Variants in FBN2 observed in about 807,000 individuals in gnomAD.
FBN2 encodes fibrillin 2.
Under a neutral mutation model 355.6 loss-of-function variants are expected in FBN2, and 105 were observed. The ratio of observed to expected loss-of-function variants is 0.30; its 90% confidence interval spans 0.25 to 0.35. The LOEUF is 0.35. Ranked by LOEUF, FBN2 falls within the 10% of genes least tolerant of loss-of-function variation. The pLI is 1.00. For synonymous variants in FBN2, 1,350 were observed against 1,301.2 expected (o/e 1.04, Z -0.81); for missense variants, 3,280 against 3,758.7 (o/e 0.87, Z 3.33).
chr5:128,312,862 AG>A, intron 36 of FBN2, 67 bp from the exon 37 acceptor site: 1 of 1,548,836 alleles, frequency 6.5e-7, no homozygotes, highest in Non-Finnish European at 8.9e-7. Context: ...TTTAGGGAAA[AG>A]TCACTCAAAG....
chr5:128,443,403 C>T (rs868656235), intron 7 of FBN2, among the ~76,000 whole-genome samples: 1 of 152,278 alleles, frequency 6.6e-6, no homozygotes, highest in Middle Eastern at 3.4e-3. Flanking sequence ...ATATATCCTA[C>T]TCTCAATTAA....
chr5:128,360,138 C>T (rs565319013), intron 19 of FBN2, among the ~76,000 whole-genome samples: 10 of 152,120 alleles, frequency 6.6e-5, no homozygotes, highest in South Asian at 2.1e-4. Flanking sequence ...AAAAAGACTA[C>T]GGGAAGGAAG....
chr5:128,536,805 C>T (rs1242002506), intron 1 of FBN2, among the ~76,000 whole-genome samples: 1 of 152,140 alleles, frequency 6.6e-6, no homozygotes, highest in African/African-American at 2.4e-5. Flanking sequence ...GGGACCATTC[C>T]GTTCCAAAGA....
At chr5:128,403,134 CAT>C (rs1035821025) in intron 8 of FBN2, among the ~76,000 whole-genome samples, 1 of 151,816 alleles carries the variant, frequency 6.6e-6, no homozygotes, top group Non-Finnish European at 1.5e-5. Flanking sequence ...GCCAGCGTTA[CAT>C]AGAGTGCTGT....
intron 56 of FBN2, 67 bp downstream of exon 56, chr5:128,280,125 C>G (rs1765495833): frequency 1.6e-5 from 21 of 1,322,808 alleles, no homozygotes; most frequent in Non-Finnish European, 2.3e-5. Context: ...ATGTGGAGCT[C>G]TTCTGTGATG....
At chr5:128,281,855 T>A (rs1228122892) in intron 55 of FBN2, among the ~76,000 whole-genome samples, 3 of 151,958 alleles carry the variant, frequency 2.0e-5, no homozygotes, top group Non-Finnish European at 4.4e-5. Flanking sequence ...CCAGCTAATT[T>A]TTTTATTTTT....
chr5:128,331,302 T>C (rs1427526912), intron 32 of FBN2, among the ~76,000 whole-genome samples: 2 of 152,088 alleles, frequency 1.3e-5, no homozygotes, highest in Non-Finnish European at 2.9e-5. Context: ...AGGTCAGACC[T>C]GAGGATGAGA....
At chr5:128,470,289 T>C (rs1179166685) in intron 5 of FBN2, among the ~76,000 whole-genome samples, 1 of 152,170 alleles carries the variant, frequency 6.6e-6, no homozygotes, top group Non-Finnish European at 1.5e-5. Context: ...TTGGTGATCT[T>C]AGCAAGAGAT....
chr5:128,517,427 T>C (rs2112785092), intron 5 of FBN2, among the ~76,000 whole-genome samples: 1 of 152,332 alleles, frequency 6.6e-6, no homozygotes, highest in Middle Eastern at 3.4e-3. Flanking sequence ...CCATTCTGAA[T>C]AATTTATCTT....
At position 128,286,758 on chromosome 5, in the gene FBN2, A is replaced by C. The variant is rs1581188714; in HGVS notation, c.6972T>G (p.Pro2324=). ...CATCGGGCCTTCGGGCCATTCCAGGAGGGCAGATGCACATGAAGGTGCCGA... is the reference window on the plus strand; with the variant it reads ...CATCGGGCCTTCGGGCCATTCCAGGCGGGCAGATGCACATGAAGGTGCCGA... ...NLIGTFMCIC[P]PGMARRPDGE... is the part of the protein sequence containing the mutation. Residue 2324 remains proline, a synonymous_variant, in exon 55 of 65, where the codon CCT becomes CCG. Coordinates refer to ENST00000262464, the MANE Select transcript of FBN2 (RefSeq NM_001999.4). 1.2e-6 allele frequency: 2 copies of C among 1,614,216 alleles called. No homozygotes were observed. The highest frequency in any genetic ancestry group is 1.7e-6 in the Non-Finnish European group (2 of 1,180,016).
intron 62 of FBN2, among the ~76,000 whole-genome samples, chr5:128,267,396 C>T (rs1342153846): frequency 6.6e-6 from 1 of 152,166 alleles, no homozygotes; most frequent in African/African-American, 2.4e-5. Flanking sequence ...GGAATCACCA[C>T]ACTGTCTTCA....
chr5:128,535,631 T>G (rs1016237920), intron 2 of FBN2, among the ~76,000 whole-genome samples: 1 of 152,198 alleles, frequency 6.6e-6, no homozygotes, highest in African/African-American at 2.4e-5. Context: ...GGCTGATAAC[T>G]AATGAGCTCT....
chr5:128,368,321 C>A (rs1268717502), intron 16 of FBN2, among the ~76,000 whole-genome samples: 3 of 150,920 alleles, frequency 2.0e-5, no homozygotes, highest in Admixed American at 6.6e-5. Context: ...TGTTATTGAC[C>A]TAAGAGTTTG....
chr5:128,488,417 A>G (rs1252603706), intron 5 of FBN2, among the ~76,000 whole-genome samples: 1 of 152,126 alleles, frequency 6.6e-6, no homozygotes, highest in East Asian at 1.9e-4. Flanking sequence ...CAGCTTAATA[A>G]AATTTCAAGT....
At chr5:128,400,791 A>T (rs1752777824) in intron 8 of FBN2, among the ~76,000 whole-genome samples, 1 of 152,214 alleles carries the variant, frequency 6.6e-6, no homozygotes, top group Admixed American at 6.5e-5. Context: ...TACATAAGGT[A>T]ATATGTATAA....
intron 6 of FBN2, among the ~76,000 whole-genome samples, chr5:128,451,735 C>T (rs1014807381): frequency 2.0e-5 from 3 of 152,168 alleles, no homozygotes; most frequent in Non-Finnish European, 4.4e-5. Flanking sequence ...CACTCCCACT[C>T]TCATTACAGT....
intron 64 of FBN2, among the ~76,000 whole-genome samples, chr5:128,260,424 T>A (rs926616498): frequency 6.6e-6 from 1 of 152,184 alleles, no homozygotes; most frequent in Admixed American, 6.5e-5. Context: ...AGGGCCCAGA[T>A]AAACCAAGTC....
chr5:128,480,540 G>A (rs1303677985), intron 5 of FBN2, among the ~76,000 whole-genome samples: 1 of 152,032 alleles, frequency 6.6e-6, no homozygotes, highest in African/African-American at 2.4e-5. Flanking sequence ...ACAATGACTG[G>A]CTTTTACAAA....
At position 128,461,810 on chromosome 5, in the gene FBN2, G is replaced by A. The variant is rs374080430; in HGVS notation, c.826+2914C>T. ...AGTGAGAGTTGAACATTGAAAACAC[G>A]TGGACACAGATAGGGGAATAACACA... On this transcript the variant is annotated intron_variant, in intron 6 of 64. Coordinates refer to ENST00000262464, the MANE Select transcript of FBN2 (RefSeq NM_001999.4). Among the ~76,000 whole-genome samples, 4 of 149,872 alleles carry A rather than the reference G, an allele frequency of 2.7e-5. No homozygotes were observed. In the East Asian group the frequency reaches 5.9e-4, roughly 22 times the overall value.
Sources: gnomAD v4.1 joint callset for allele counts (sites outside exome capture counted in the v4.1 genomes callset) on GRCh38, gnomAD v4.1.1 for gene constraint, MANE v1.5 for transcripts, NCBI Gene and HGNC (gene_info 2026-07-23, HGNC 2026-07-21) for gene names.